Variants in RAI1 observed in about 807,000 individuals in gnomAD.
RAI1 encodes retinoic acid-induced protein 1.
Under a neutral mutation model 123.8 loss-of-function variants are expected in RAI1, and 9 were observed. That is an observed-to-expected ratio of 0.07 (90% CI 0.04 to 0.13). RAI1 has a LOEUF of 0.13. RAI1 is among the 10% of genes least tolerant of loss of function. RAI1 has a pLI of 1.00. For missense variants in RAI1, 2,256 were observed against 2,545.8 expected (o/e 0.89, Z 2.45); for synonymous variants, 1,231 against 1,127.3 (o/e 1.09, Z -1.84).
chr17:17,796,365 G>A lies in RAI1; in HGVS notation c.3417G>A (p.Lys1139=). The change falls in exon 3 of 6, where the codon AAG becomes AAA. Residue 1139 remains lysine, a synonymous_variant. Transcript: ENST00000353383. The surrounding 1 kb of genome is among the most constrained non-coding windows in gnomAD (Gnocchi z 5.8). ...CAGACTCACCCAGCACGCCTGGCAA[G>A]GACCAGCGCTCCATGATCCTTCGGT... is the stretch of plus-strand genomic sequence containing the variant. ...KETDSPSTPG[K]DQRSMILRSR... 1 of 1,613,690 alleles carries A rather than the reference G, an allele frequency of 6.2e-7. No individual in the cohort carries two copies. The highest frequency in any genetic ancestry group is 8.5e-7 in the Non-Finnish European group (1 of 1,180,020).
intron 1 of RAI1, among the ~76,000 whole-genome samples, chr17:17,717,975 G>C (rs560824265): frequency 6.6e-6 from 1 of 152,318 alleles, no homozygotes; most frequent in South Asian, 2.1e-4. Flanking sequence ...GGGAAGGATG[G>C]ACAGACACAC....
chr17:17,810,807 C>A lies in RAI1; in HGVS notation c.*826C>A, dbSNP rs1320066019. The A allele has an allele frequency of 2.2e-6, 1 of 454,824 alleles. No individual in the cohort carries two copies. Among genetic ancestry groups the A allele is most frequent in the South Asian group, 1.6e-5 (1 of 64,464 alleles). The allele number at this position is 454,824 out of a possible 1,614,324, so 28.2% of individuals were successfully genotyped here. A position where few individuals can be genotyped will look rare whatever the true frequency, so the allele number is the denominator to read the frequency against. On this transcript the variant is annotated 3_prime_UTR_variant, in exon 6 of 6. Coordinates refer to ENST00000353383, the MANE Select transcript of RAI1 (RefSeq NM_030665.4). The surrounding 1 kb of genome is among the most constrained non-coding windows in gnomAD (Gnocchi z 4.6). The stretch of plus-strand genomic sequence containing the variant: ...AGCGGCCAGAACGCACCTCCGGCTC[C>A]GGCGGACGCGCGACCGTTGTGCACC...
intron 2 of RAI1, among the ~76,000 whole-genome samples, chr17:17,792,218 G>A (rs1019126469): frequency 6.6e-6 from 1 of 152,250 alleles, no homozygotes; most frequent in Admixed American, 6.5e-5. Context: ...GACATTTTAT[G>A]TCTACAGTGG....
chr17:17,683,727 A>G (rs1040914675), intron 1 of RAI1: 4 of 152,236 alleles, frequency 2.6e-5, no homozygotes, highest in Admixed American at 1.3e-4. Context: ...CCCAGAAGCC[A>G]ACTGTGGAGT....
intron 1 of RAI1, among the ~76,000 whole-genome samples, chr17:17,715,843 A>G (rs780760298): frequency 1.1e-4 from 16 of 152,206 alleles, no homozygotes; most frequent in Non-Finnish European, 2.1e-4. Flanking sequence ...GAGAGGGCCA[A>G]GTTGCCCCTG....
intron 1 of RAI1, among the ~76,000 whole-genome samples, chr17:17,695,203 G>C (rs985600227): frequency 7.2e-5 from 11 of 152,060 alleles, no homozygotes; most frequent in African/African-American, 2.2e-4. Flanking sequence ...ACTGTCCATG[G>C]GTCAGTGAGG....
chr17:17,755,101 A>T (rs1411015216), intron 2 of RAI1, among the ~76,000 whole-genome samples: 2 of 152,160 alleles, frequency 1.3e-5, no homozygotes, highest in East Asian at 3.8e-4. Context: ...GACTGTTTAG[A>T]GGGCTCCTCT....
chr17:17,753,344 A>C (rs1318378216), intron 2 of RAI1, among the ~76,000 whole-genome samples: 2 of 152,182 alleles, frequency 1.3e-5, no homozygotes, highest in Non-Finnish European at 2.9e-5. Flanking sequence ...CTGGCTTGAC[A>C]GGGTTGGAGT....
In RAI1 at chr17:17,795,795, G is replaced by T; in HGVS notation, c.2847G>T (p.Met949Ile). Residue 949 changes from methionine (M) to isoleucine (I), a missense_variant, in exon 3 of 6, where the codon ATG becomes ATT. Around this residue, in one of 7 missense-constraint regions of RAI1, gnomAD observed 566 missense variants for 616.0 expected, o/e 0.92. Transcript: ENST00000353383. This position sits in a 1 kb window ranked among gnomAD's most constrained non-coding sequence, Gnocchi z 5.9. ...GGTTTGAGTCCTCTCTGTCACACAT[G>T]AAGCCAGGTGAAGAGGGGCCTGATG... ...QSWFESSLSH[M>I]KPGEEGPDGE... is the part of the protein sequence containing the mutation. 6.2e-7 allele frequency: 1 copy of T among 1,613,676 alleles called. No homozygotes were observed. Among genetic ancestry groups the T allele is most frequent in the Non-Finnish European group, 8.5e-7 (1 of 1,180,030 alleles).
Position 17,762,296 on chromosome 17 carries a change from G to A in RAI1, c.-16-30637G>A, listed in dbSNP as rs183085378. On this transcript the variant is annotated intron_variant, in intron 2 of 5. Transcript: ENST00000353383. ...ATTGGAGAAGACCCAGGAGGATGGC[G>A]TCCCAGGCGGAGGGAACAGCATGTG... is the stretch of plus-strand genomic sequence containing the variant. Among the ~76,000 whole-genome samples the A allele has an allele frequency of 2.4e-4, 36 of 152,246 alleles. No individual in the cohort carries two copies. In the East Asian group the frequency reaches 6.4e-3, roughly 27 times the overall value.
At position 17,715,895 on chromosome 17, in the gene RAI1, C is replaced by T. The variant is rs572924821; in HGVS notation, c.-148-8133C>T. ...TGTTCCACATCCTCCTCCTGTTGTCCGTTCCGTGCCCTCCTATGTCAGGAG... is the reference window on the plus strand; with the variant it reads ...TGTTCCACATCCTCCTCCTGTTGTCTGTTCCGTGCCCTCCTATGTCAGGAG... On this transcript the variant is annotated intron_variant, in intron 1 of 5. Transcript: ENST00000353383. Among the ~76,000 whole-genome samples, 9 of 152,320 alleles carry T rather than the reference C, an allele frequency of 5.9e-5. No individual in the cohort carries two copies. In the South Asian group the frequency reaches 1.5e-3, roughly 25 times the overall value.
At chr17:17,725,230 C>T (rs557817807) in intron 2 of RAI1, among the ~76,000 whole-genome samples, 103 of 152,280 alleles carry the variant, frequency 6.8e-4, no homozygotes, top group African/African-American at 2.3e-3. Context: ...CTGGTGACTT[C>T]AGGCACGTCG....
In RAI1 at chr17:17,795,338, A is replaced by AAG; in HGVS notation, c.2390_2391insAG (p.Asp797GlufsTer23). The AAG allele has an allele frequency of 6.3e-7, 1 of 1,590,948 alleles. No individual in the cohort carries two copies. The highest frequency in any genetic ancestry group is 8.6e-7 in the Non-Finnish European group (1 of 1,165,682). ...GCCTGCCTGGGCTTCCAGGAGGAGG[A>AAG]CCCCCCTGGGGAGAAGGTGGCCTCG... On this transcript the variant is annotated frameshift_variant, in exon 3 of 6. Transcript: ENST00000353383. LOFTEE classifies it high-confidence loss of function. This position sits in a 1 kb window ranked among gnomAD's most constrained non-coding sequence, Gnocchi z 5.9.
chr17:17,764,667 TTGGCCAGGC>T (rs2142993279), intron 2 of RAI1, among the ~76,000 whole-genome samples: 1 of 152,246 alleles, frequency 6.6e-6, no homozygotes, highest in East Asian at 1.9e-4. Context: ...TTTTGCCATG[TTGGCCAGGC>T]TGGTCCTGAA....
At position 17,809,191 on chromosome 17, in the gene RAI1, A is replaced by G. The variant is rs1288309346; in HGVS notation, c.5660-199A>G. ...GGAGGTGAGGTGAGTCAAGACTGCC[A>G]GGCCAGGGGCCGCACCCGCGCCGTG... On this transcript the variant is annotated intron_variant, in intron 4 of 5. Transcript: ENST00000353383. This position sits in a 1 kb window ranked among gnomAD's most constrained non-coding sequence, Gnocchi z 4.9. 2 of 677,854 alleles carry G rather than the reference A, an allele frequency of 3.0e-6. No homozygotes were observed. The highest frequency in any genetic ancestry group is 5.4e-6 in the Non-Finnish European group (2 of 373,656). The allele number at this position is 677,854 out of a possible 1,614,324, so 42.0% of individuals were successfully genotyped here.
At chr17:17,691,742 T>C (rs1377673079) in intron 1 of RAI1, among the ~76,000 whole-genome samples, 1 of 152,100 alleles carries the variant, frequency 6.6e-6, no homozygotes, top group East Asian at 1.9e-4. Context: ...TTAGTCTGTT[T>C]GAGGGAACTC....
At chr17:17,770,320 A>G (rs1413742421) in intron 2 of RAI1, among the ~76,000 whole-genome samples, 1 of 152,158 alleles carries the variant, frequency 6.6e-6, no homozygotes, top group African/African-American at 2.4e-5. Flanking sequence ...CCCCGAAAAA[A>G]AAACATAAAA....
chr17:17,770,698 C>T (rs1239799400), intron 2 of RAI1: 3 of 152,358 alleles, frequency 2.0e-5, no homozygotes, highest in South Asian at 2.1e-4. Flanking sequence ...GGCCCAAGGA[C>T]GCAGGCGGCG....
intron 1 of RAI1, among the ~76,000 whole-genome samples, chr17:17,699,525 TG>T (rs1915143524): frequency 6.7e-6 from 1 of 148,262 alleles, no homozygotes; most frequent in African/African-American, 2.5e-5. Context: ...TAGTAATTGC[TG>T]GGCACACTGC....
Sources: gnomAD v4.1 joint callset for allele counts (sites outside exome capture counted in the v4.1 genomes callset) on GRCh38, gnomAD v4.1.1 for gene constraint, gnomAD v4.1.1 regional missense constraint, Gnocchi (gnomAD v3.1) non-coding constraint, MANE v1.5 for transcripts, NCBI Gene and HGNC (gene_info 2026-07-23, HGNC 2026-07-21) for gene names.